The following KIAA0825 variants were observed in gnomAD, a reference collection of about 807,000 sequenced individuals.
KIAA0825 encodes KIAA0825.
A neutral mutation model predicts 147.6 loss-of-function variants in KIAA0825; 119 were observed. The observed-to-expected ratio is 0.81, with a 90% CI of 0.69 to 0.94. KIAA0825 has a LOEUF of 0.94. Ranked by LOEUF, KIAA0825 falls within the 40% of genes least tolerant of loss-of-function variation. The pLI is 0.00. For missense variants in KIAA0825, 1,381 were observed against 1,472.7 expected, an observed-to-expected ratio of 0.94 and a Z score of 1.02; for synonymous variants, 470 against 518.1, an observed-to-expected ratio of 0.91 and a Z score of 1.26.
intron 2 of KIAA0825, among the ~76,000 whole-genome samples, chr5:94,546,533 G>A (rs1270358384): frequency 6.6e-6 from 1 of 152,020 alleles, no homozygotes. Context: ...GAGAGAGAGA[G>A]AGAGAGAGAC....
intron 5 of KIAA0825, among the ~76,000 whole-genome samples, chr5:94,515,992 TAAC>T (rs756252302): frequency 4.6e-5 from 7 of 152,184 alleles, no homozygotes; most frequent in East Asian, 1.9e-4. Flanking sequence ...TTTTTTCAGA[TAAC>T]AAAACATACA....
At chr5:94,296,742 A>T (rs1778155816) in intron 20 of KIAA0825, among the ~76,000 whole-genome samples, 1 of 152,044 alleles carries the variant, frequency 6.6e-6, no homozygotes, top group Admixed American at 6.6e-5. Context: ...ACCACTGTCT[A>T]ACCAGTCCCA....
chr5:94,455,666 CAT>C (rs1333970628), intron 12 of KIAA0825, among the ~76,000 whole-genome samples: 2 of 152,120 alleles, frequency 1.3e-5, no homozygotes, highest in Middle Eastern at 3.4e-3. Flanking sequence ...GGAAAAGAGA[CAT>C]ATTGATCAGA....
In KIAA0825 at chr5:94,213,175, TTTCTCTGGTG is replaced by T. The variant is rs1403817854; in HGVS notation, c.3711-59061_3711-59052del. On this transcript the variant is annotated intron_variant, in intron 20 of 20. Coordinates refer to ENST00000682413, the MANE Select transcript of KIAA0825 (RefSeq NM_001145678.3). ...CAGGCTCTCTCCCCACAAAAGGATT[TTTCTCTGGTG>T]TTCTCCATCTCAATGAATGACAGCA... Among the ~76,000 whole-genome samples the T allele has an allele frequency of 7.2e-5, 11 of 152,116 alleles. No individual in the cohort carries two copies. The East Asian group carries it at 2.1e-3, about 29-fold the overall frequency.
intron 20 of KIAA0825, among the ~76,000 whole-genome samples, chr5:94,207,202 A>C (rs1448367589): frequency 6.6e-6 from 1 of 152,152 alleles, no homozygotes; most frequent in African/African-American, 2.4e-5. Context: ...ACAATCATCA[A>C]CTGAGTTAAA....
chr5:94,582,752 T>C (rs560315988), intron 1 of KIAA0825, among the ~76,000 whole-genome samples, 169 bp from the exon 2 acceptor site: 3 of 152,218 alleles, frequency 2.0e-5, no homozygotes, highest in South Asian at 2.1e-4. Context: ...GAAGATTACA[T>C]ACATAAGAAA....
intron 14 of KIAA0825, among the ~76,000 whole-genome samples, chr5:94,430,069 G>C (rs938715233): frequency 1.3e-5 from 2 of 152,044 alleles, no homozygotes; most frequent in African/African-American, 2.4e-5. Context: ...GCACAGGAGG[G>C]GTGGGGCAAC....
chr5:94,361,816 G>A (rs1458277790), intron 20 of KIAA0825, among the ~76,000 whole-genome samples: 1 of 152,134 alleles, frequency 6.6e-6, no homozygotes, highest in Non-Finnish European at 1.5e-5. Flanking sequence ...TCTCAGACCT[G>A]CCAGTTCAGA....
chr5:94,371,628 C>A (rs1431947314), intron 20 of KIAA0825, among the ~76,000 whole-genome samples: 3 of 152,142 alleles, frequency 2.0e-5, no homozygotes, highest in Non-Finnish European at 4.4e-5. Flanking sequence ...GGGGAAACCA[C>A]CCCCATGATT....
chr5:94,373,710 G>T (rs779665343), intron 20 of KIAA0825, among the ~76,000 whole-genome samples: 5 of 152,082 alleles, frequency 3.3e-5, no homozygotes, highest in African/African-American at 1.2e-4. Context: ...TTCAAGATGA[G>T]ATTTGGGTGG....
At chr5:94,413,792 T>C (rs943936415) in intron 15 of KIAA0825, 2 of 152,226 alleles carry the variant, frequency 1.3e-5, no homozygotes, top group Non-Finnish European at 2.9e-5. Flanking sequence ...ATTCAATCAA[T>C]AAATATATTT....
chr5:94,613,449 T>C (rs1025695113), intron 1 of KIAA0825, among the ~76,000 whole-genome samples: 7 of 152,194 alleles, frequency 4.6e-5, no homozygotes, highest in Non-Finnish European at 8.8e-5. Flanking sequence ...TCCGCCCGCA[T>C]TGGCCTCCCA....
At chr5:94,224,185 T>C (rs1773952933) in intron 20 of KIAA0825, among the ~76,000 whole-genome samples, 1 of 140,330 alleles carries the variant, frequency 7.1e-6, no homozygotes, top group African/African-American at 2.6e-5. Context: ...CCTCCACCTC[T>C]GGGGTTGAAG....
intron 5 of KIAA0825, among the ~76,000 whole-genome samples, chr5:94,500,177 C>T (rs1309774113): frequency 6.6e-6 from 1 of 152,090 alleles, no homozygotes; most frequent in East Asian, 1.9e-4. Context: ...CTTTCCAAAA[C>T]CTAGCCTCTG....
chr5:94,246,481 G>A (rs1030301778), intron 20 of KIAA0825, among the ~76,000 whole-genome samples: 3 of 152,204 alleles, frequency 2.0e-5, no homozygotes, highest in Admixed American at 6.5e-5. Flanking sequence ...GAGAGTGGGT[G>A]GGTCAGGTGG....
rs548076693 is a variant in KIAA0825, at chr5:94,306,740, C to T, written c.3710+77628G>A. On this transcript the variant is annotated intron_variant, in intron 20 of 20. Transcript: ENST00000682413. ...TAACAATACTGATTGATAACAATAC[C>T]GAGCAATACTGATATCAATCCTCAA... Among the ~76,000 whole-genome samples the T allele has an allele frequency of 7.9e-5, 12 of 151,680 alleles. No individual in the cohort carries two copies. In the South Asian group the frequency reaches 1.5e-3, roughly 18 times the overall value.
intron 3 of KIAA0825, among the ~76,000 whole-genome samples, chr5:94,528,926 C>T (rs1271749496): frequency 1.3e-5 from 2 of 151,550 alleles, no homozygotes; most frequent in East Asian, 3.9e-4. Context: ...CCAGCATTTG[C>T]CCTGTGCCAA....
At chr5:94,389,802 C>T (rs986512435) in intron 18 of KIAA0825, among the ~76,000 whole-genome samples, 3 of 152,118 alleles carry the variant, frequency 2.0e-5, no homozygotes, top group Admixed American at 2.0e-4. Flanking sequence ...GGGCTTATTG[C>T]CTGTGTTTTT....
chr5:94,435,635 C>A (rs1159981959), intron 14 of KIAA0825, among the ~76,000 whole-genome samples: 1 of 152,076 alleles, frequency 6.6e-6, no homozygotes, highest in African/African-American at 2.4e-5. Flanking sequence ...TGGGTATATA[C>A]CCAGTAACGG....
Sources: gnomAD v4.1 joint callset for allele counts (sites outside exome capture counted in the v4.1 genomes callset) on GRCh38, gnomAD v4.1.1 for gene constraint, MANE v1.5 for transcripts, NCBI Gene and HGNC (gene_info 2026-07-23, HGNC 2026-07-21) for gene names.